Variants in PARP6 observed in about 807,000 individuals in gnomAD.
PARP6 encodes the protein protein mono-ADP-ribosyltransferase PARP6.
A neutral mutation model predicts 92.0 loss-of-function variants in PARP6; 27 were observed. The observed-to-expected ratio is 0.29, with a 90% confidence interval of 0.22 to 0.40. The LOEUF is 0.40. PARP6 is among the 10% of genes least tolerant of loss of function. The pLI is 1.00. For synonymous variants in PARP6, 272 were observed against 281.2 expected, an observed-to-expected ratio of 0.97 and a Z score of 0.33; for missense variants, 501 against 784.5, an observed-to-expected ratio of 0.64 and a Z score of 4.32.
intron 20 of PARP6, among the ~76,000 whole-genome samples, chr15:72,247,038 G>A (rs1451159491): frequency 6.6e-6 from 1 of 152,170 alleles, no homozygotes; most frequent in African/African-American, 2.4e-5. Context: ...GATTACAGGC[G>A]TGAGCCACTG....
At position 72,267,552 on chromosome 15, in the gene PARP6, C is replaced by A; in HGVS notation, c.-75G>T. 2 of 1,523,116 alleles carry A rather than the reference C, an allele frequency of 1.3e-6. No individual in the cohort carries two copies. Among genetic ancestry groups the A allele is most frequent in the South Asian group, 1.1e-5 (1 of 89,124 alleles). The allele number at this position is 1,523,116 out of a possible 1,614,324, so 94.4% of individuals were successfully genotyped here. On this transcript the variant is annotated 5_prime_UTR_variant, in exon 3 of 24. Transcript: ENST00000569795. ...TCCATACCACTAGCCGAACCAAGGC[C>A]AACGAGATGGGCATTTAGGAGACCA...
Position 72,265,099 on chromosome 15 carries a change from G to C in PARP6, c.310C>G (p.Gln104Glu). Reference protein sequence around the residue: ...IVLRLRFSLSQYLDGPEPSIE... With the variant: ...IVLRLRFSLSEYLDGPEPSIE... ...CCTTTACCTGGTCCATCTAGGTACT[G>C]GGAGAGAGAAAATCGCAGCCTCAAC... is the stretch of plus-strand genomic sequence containing the variant. Residue 104 changes from glutamine (Q) to glutamate (E), a missense_variant, in exon 7 of 24, where the codon CAG (glutamine) becomes GAG (glutamate). Transcript: ENST00000569795. 2 of 1,612,718 alleles carry C rather than the reference G, an allele frequency of 1.2e-6. No homozygotes were observed. The highest frequency in any genetic ancestry group is 1.7e-6 in the Non-Finnish European group (2 of 1,178,806).
At chr15:72,250,352 T>C in intron 18 of PARP6, 2 of 420,908 alleles carry the variant, frequency 4.8e-6, no homozygotes, top group South Asian at 6.5e-5. Context: ...GCTGGTTCAG[T>C]ATTTTTATTT....
intron 7 of PARP6, 26 bp from the exon 8 acceptor site, chr15:72,264,647 G>C: frequency 5.7e-6 from 9 of 1,583,052 alleles, no homozygotes; most frequent in Non-Finnish European, 6.9e-6. Flanking sequence ...AAGGCTACTA[G>C]TAAGTACATA....
chr15:72,254,672 G>C (rs190409820), intron 14 of PARP6, 152 bp from the exon 15 acceptor site: 39 of 620,540 alleles, frequency 6.3e-5, no homozygotes, highest in Admixed American at 5.6e-4. Flanking sequence ...ACAGTTCTAG[G>C]GGCACATGCT....
intron 20 of PARP6, among the ~76,000 whole-genome samples, chr15:72,248,137 T>C (rs1228448604): frequency 6.6e-6 from 1 of 152,224 alleles, no homozygotes; most frequent in African/African-American, 2.4e-5. Context: ...TATTATTTAA[T>C]TGTGTCCTTT....
chr15:72,251,421 G>A (rs1448636094), intron 16 of PARP6, 166 bp from the exon 17 acceptor site: 3 of 515,234 alleles, frequency 5.8e-6, no homozygotes, highest in Non-Finnish European at 1.0e-5. Context: ...TCCTGTGGGT[G>A]ATAGTGCTTA....
chr15:72,243,928 G>A (rs1210244410), intron 20 of PARP6: 1 of 152,196 alleles, frequency 6.6e-6, no homozygotes, highest in East Asian at 1.9e-4. Context: ...GAAATAGACT[G>A]ATAGCTGTTG....
rs1417792942 is a variant in PARP6 at position 72,259,625 on chromosome 15, A to G, written c.793T>C (p.Tyr265His). Residue 265 changes from tyrosine (Y) to histidine (H), a missense_variant, in exon 11 of 24, where the codon TAT becomes CAT. Transcript: ENST00000569795. Reference protein sequence around the residue: ...GHCKNIPTLEYGFLVQIMKYA... With the variant: ...GHCKNIPTLEHGFLVQIMKYA... Reference sequence around the variant, plus strand: ...TTGATTACCTGAACGAGGAATCCATACTCCAGAGTGGGAATGTTCTTGCAG... The same window carrying G: ...TTGATTACCTGAACGAGGAATCCATGCTCCAGAGTGGGAATGTTCTTGCAG... 2 of 1,614,072 alleles carry G rather than the reference A, an allele frequency of 1.2e-6. No individual in the cohort carries two copies. The highest frequency in any genetic ancestry group is 1.7e-6 in the Non-Finnish European group (2 of 1,179,974).
At position 72,264,613 on chromosome 15, in the gene PARP6, T is replaced by C. The variant is rs749850336; in HGVS notation, c.337A>G (p.Ile113Val). 9 of 1,613,600 alleles carry C rather than the reference T, an allele frequency of 5.6e-6. No individual in the cohort carries two copies. The highest frequency in any genetic ancestry group is 2.2e-5 in the East Asian group (1 of 44,868). Residue 113 changes from isoleucine (I) to valine (V), a missense_variant, in exon 8 of 24, where the codon ATT becomes GTT. Coordinates refer to ENST00000569795, the MANE Select transcript of PARP6 (RefSeq NM_001323532.2). ...TTATTTGATGGCTGGAAAACCTCAA[T>C]GGATGGTTCTGCAAAGAGAAGAGAA... ...SQYLDGPEPS[I>V]EVFQPSNKEG...
chr15:72,256,345 C>G, intron 14 of PARP6, 120 bp downstream of exon 14: 2 of 758,762 alleles, frequency 2.6e-6, no homozygotes, highest in African/African-American at 1.8e-5. Context: ...AGCTAAATCA[C>G]AGAGTTTAAG....
At position 72,258,180 on chromosome 15, in the gene PARP6, AG is replaced by A. The variant is rs761215555; in HGVS notation, c.811-49del. 3.7e-6 allele frequency: 5 copies of A among 1,345,658 alleles called. No individual in the cohort carries two copies. The East Asian group carries it at 9.2e-5, about 25-fold the overall frequency. 83.4% of individuals were successfully genotyped at this position (1,345,658 alleles called of 1,614,324 possible). On this transcript the variant is annotated intron_variant, in intron 11 of 23. Transcript: ENST00000569795. Reference sequence around the variant, plus strand: ...GTCTTTTGGAAGTACTGGCACACACAGATATGGGAAATAATTTCAGCTTTTT... The same window carrying A: ...GTCTTTTGGAAGTACTGGCACACACAATATGGGAAATAATTTCAGCTTTTT...
chr15:72,244,306 C>G (rs1010344553), intron 20 of PARP6: 1 of 152,202 alleles, frequency 6.6e-6, no homozygotes, highest in African/African-American at 2.4e-5. Flanking sequence ...CAAATCTTGT[C>G]CCAACTCAAT....
intron 20 of PARP6, chr15:72,244,927 T>C (rs566310691): frequency 2.4e-3 from 377 of 155,734 alleles, no homozygotes; most frequent in African/African-American, 8.3e-3. Context: ...CTCACAATCA[T>C]GGTGGAAGGC....
intron 20 of PARP6, among the ~76,000 whole-genome samples, chr15:72,248,048 C>G (rs7169150): frequency 0.95 from 145,029 of 152,288 alleles, 69,220 homozygotes; most frequent in South Asian, 0.99. Context: ...TGGGATTACA[C>G]GTGTGAGCCA....
At chr15:72,249,445 A>G (rs1049501154) in intron 19 of PARP6, 131 bp from the exon 20 acceptor site, 2 of 530,614 alleles carry the variant, frequency 3.8e-6, no homozygotes, top group Admixed American at 6.6e-5. Flanking sequence ...CTAAGCACCT[A>G]TTCTCGGAAA....
chr15:72,253,252 G>A (rs1368453096), intron 16 of PARP6, among the ~76,000 whole-genome samples, 185 bp downstream of exon 16: 2 of 151,964 alleles, frequency 1.3e-5, no homozygotes, highest in Admixed American at 1.3e-4. Context: ...AGAATTTGTG[G>A]GCGTTTTGTA....
intron 13 of PARP6, 55 bp downstream of exon 13, chr15:72,257,293 G>C: frequency 2.5e-6 from 3 of 1,221,760 alleles, no homozygotes; most frequent in Non-Finnish European, 3.6e-6. Context: ...GAAATTGCTG[G>C]GTTCCTCTGT....
At chr15:72,267,220 C>G in intron 3 of PARP6, 2 of 575,486 alleles carry the variant, frequency 3.5e-6, no homozygotes, top group Non-Finnish European at 6.2e-6. Flanking sequence ...CCCAAGCACA[C>G]CTAAACTCTC....
Sources: gnomAD v4.1 joint callset for allele counts (sites outside exome capture counted in the v4.1 genomes callset) on GRCh38, gnomAD v4.1.1 for gene constraint, MANE v1.5 for transcripts, NCBI Gene and HGNC (gene_info 2026-07-23, HGNC 2026-07-21) for gene names.